STRN3: variants seen among roughly 807,000 people sequenced by gnomAD.
The protein encoded by STRN3 is striatin 3.
STRN3 carries 29 observed loss-of-function variants against 95.6 expected under a neutral mutation model. The ratio of observed to expected loss-of-function variants is 0.30; its 90% confidence interval spans 0.23 to 0.41. STRN3 has a LOEUF of 0.41. Among genes scored for constraint, STRN3 ranks in the 10% least tolerant of loss-of-function variants. The pLI is 1.00. For synonymous variants in STRN3, 331 were observed against 357.6 expected, an observed-to-expected ratio of 0.93 and a Z score of 0.84; for missense variants, 890 against 972.1, an observed-to-expected ratio of 0.92 and a Z score of 1.12.
chr14:30,959,278 T>C (rs912794114), intron 1 of STRN3, among the ~76,000 whole-genome samples: 4 of 152,040 alleles, frequency 2.6e-5, no homozygotes, highest in African/African-American at 7.3e-5. Flanking sequence ...TGAGCCATGA[T>C]TGCCACTGCA....
In STRN3 at chr14:31,013,863, T is replaced by TTTTTTA. The variant is rs1462314709; in HGVS notation, c.282+12040_282+12041insTAAAAA. On this transcript the variant is annotated intron_variant, in intron 1 of 17. Transcript: ENST00000357479. ...TCCTGCCTTGGCTTCTCAAAGCAAT[T>TTTTTTA]TTATTATTATTATTATTATTATTAT... is the stretch of plus-strand genomic sequence containing the variant. Among the ~76,000 whole-genome samples, 607 of 81,016 alleles carry TTTTTTA rather than the reference T, an allele frequency of 7.5e-3. 3 individuals carry two copies. Among genetic ancestry groups the TTTTTTA allele is most frequent in the East Asian group, 0.015 (60 of 4,092 alleles). 53.1% of individuals were successfully genotyped at this position (81,016 alleles called of 152,430 possible).
At chr14:31,021,585 T>C (rs896557185) in intron 1 of STRN3, among the ~76,000 whole-genome samples, 2 of 151,900 alleles carry the variant, frequency 1.3e-5, no homozygotes, top group African/African-American at 4.8e-5. Context: ...GAACATAAAA[T>C]AGAACCAGAA....
At chr14:30,960,759 CTCAGGAGGCTGAG>C (rs1285486436) in intron 1 of STRN3, among the ~76,000 whole-genome samples, 3 of 150,986 alleles carry the variant, frequency 2.0e-5, no homozygotes, top group African/African-American at 7.3e-5. Context: ...ATCCCAGCTA[CTCAGGAGGCTGAG>C]TCAGGAGAAT....
At chr14:30,970,317 G>C in intron 1 of STRN3, among the ~76,000 whole-genome samples, 1 of 152,224 alleles carries the variant, frequency 6.6e-6, no homozygotes, top group East Asian at 1.9e-4. Context: ...TCAACCAGGA[G>C]TCTGGCCCCC....
Position 30,955,480 on chromosome 14 carries a change from T to G in STRN3, c.460+140A>C. 6 of 640,062 alleles carry G rather than the reference T, an allele frequency of 9.4e-6. No individual in the cohort carries two copies. The Middle Eastern group carries it at 1.3e-3, about 137-fold the overall frequency. The allele number at this position is 640,062 out of a possible 1,614,324, so 39.6% of individuals were successfully genotyped here. On this transcript the variant is annotated intron_variant, in intron 3 of 17. Coordinates refer to ENST00000357479, the MANE Select transcript of STRN3 (RefSeq NM_001083893.2). ...ATGAAACTATTTACTTTTATTCATT[T>G]AATATTTTTTCCCAAATTCTAGACA...
intron 1 of STRN3, chr14:31,018,620 C>G: frequency 2.0e-6 from 1 of 505,576 alleles, no homozygotes; most frequent in Non-Finnish European, 4.0e-6. Context: ...GACCACAGAG[C>G]TCAAAGAAGA....
At chr14:30,926,585 A>G (rs1334997309) in intron 8 of STRN3, among the ~76,000 whole-genome samples, 1 of 148,538 alleles carries the variant, frequency 6.7e-6, no homozygotes, top group Non-Finnish European at 1.5e-5. Flanking sequence ...AGTACTTCTT[A>G]TAATACTTCT....
intron 1 of STRN3, among the ~76,000 whole-genome samples, chr14:30,990,823 G>A (rs1222516243): frequency 6.6e-6 from 1 of 152,106 alleles, no homozygotes; most frequent in Non-Finnish European, 1.5e-5. Context: ...GTAGGTGCAT[G>A]TAAATAGTTG....
At chr14:31,022,481 A>C (rs2139359418) in intron 1 of STRN3, among the ~76,000 whole-genome samples, 1 of 152,182 alleles carries the variant, frequency 6.6e-6, no homozygotes, top group South Asian at 2.1e-4. Context: ...GTATATACCC[A>C]AAATCCACTT....
At chr14:31,014,931 G>GA (rs1883170568) in intron 1 of STRN3, among the ~76,000 whole-genome samples, 1 of 151,692 alleles carries the variant, frequency 6.6e-6, no homozygotes, top group Non-Finnish European at 1.5e-5. Flanking sequence ...AGGTTCAAGC[G>GA]ATTCTCCTGC....
intron 1 of STRN3, among the ~76,000 whole-genome samples, chr14:30,972,758 A>T (rs558180357): frequency 1.3e-5 from 2 of 152,306 alleles, no homozygotes; most frequent in South Asian, 2.1e-4. Context: ...ATGAGCTATG[A>T]TTGCGCCACT....
intron 1 of STRN3, among the ~76,000 whole-genome samples, chr14:31,016,912 TG>T (rs1278277674): frequency 3.3e-5 from 5 of 152,156 alleles, no homozygotes; most frequent in African/African-American, 1.2e-4. Context: ...CCTAGCACTT[TG>T]GGAGGCCAAG....
intron 1 of STRN3, among the ~76,000 whole-genome samples, chr14:30,994,060 A>T (rs1882090176): frequency 6.7e-6 from 1 of 150,256 alleles, no homozygotes; most frequent in Non-Finnish European, 1.5e-5. Flanking sequence ...TATTTTTAGT[A>T]GAGATGGGGT....
chr14:30,921,067 C>G (rs941699155), intron 8 of STRN3, among the ~76,000 whole-genome samples: 6 of 123,386 alleles, frequency 4.9e-5, no homozygotes, highest in African/African-American at 1.7e-4. Context: ...TCTACACATA[C>G]ATATACACAC....
chr14:30,957,863 A>G (rs1879997590), intron 1 of STRN3, among the ~76,000 whole-genome samples: 1 of 152,176 alleles, frequency 6.6e-6, no homozygotes, highest in African/African-American at 2.4e-5. Flanking sequence ...ACACAGGTGC[A>G]TTTGTTCAGT....
chr14:30,902,816 A>G (rs1896361039), intron 15 of STRN3, among the ~76,000 whole-genome samples, 173 bp from the exon 16 acceptor site: 1 of 152,186 alleles, frequency 6.6e-6, no homozygotes, highest in Non-Finnish European at 1.5e-5. Context: ...AAAAATAAAC[A>G]TTTACATTAT....
At chr14:30,949,598 C>T (rs1421486458) in intron 4 of STRN3, among the ~76,000 whole-genome samples, 3 of 151,756 alleles carry the variant, frequency 2.0e-5, no homozygotes, top group Non-Finnish European at 4.4e-5. Flanking sequence ...GGAGGAGAAT[C>T]TCTTGAGTCC....
At chr14:31,017,242 G>C (rs1022253937) in intron 1 of STRN3, among the ~76,000 whole-genome samples, 3 of 152,186 alleles carry the variant, frequency 2.0e-5, no homozygotes, top group African/African-American at 7.2e-5. Context: ...GCTCACGCCT[G>C]TAATCCCAGC....
Position 30,906,240 on chromosome 14 carries a change from C to T in STRN3, c.1888+637G>A, listed in dbSNP as rs928762488. Among the ~76,000 whole-genome samples, 6 of 152,182 alleles carry T rather than the reference C, an allele frequency of 3.9e-5. No homozygotes were observed. In the South Asian group the frequency reaches 8.3e-4, roughly 21 times the overall value. On this transcript the variant is annotated intron_variant, in intron 14 of 17. Transcript: ENST00000357479. ...TAACTGAAAATTAGTACAATCACTA[C>T]GGTGTCTAAGAGACACAAAATTATA...
Sources: gnomAD v4.1 joint callset for allele counts (sites outside exome capture counted in the v4.1 genomes callset) on GRCh38, gnomAD v4.1.1 for gene constraint, MANE v1.5 for transcripts, NCBI Gene and HGNC (gene_info 2026-07-23, HGNC 2026-07-21) for gene names.